Variants in VPS13C observed in about 807,000 individuals in gnomAD.
VPS13C encodes the protein vacuolar protein sorting 13 homolog C.
Under a neutral mutation model 456.8 loss-of-function variants are expected in VPS13C, and 358 were observed. The ratio of observed to expected loss-of-function variants is 0.78; its 90% CI spans 0.72 to 0.86. The LOEUF (loss-of-function observed/expected upper bound fraction) is 0.86. VPS13C is among the 40% of genes least tolerant of loss of function. The pLI, the probability that VPS13C is intolerant of heterozygous loss-of-function variation, is 0.00. For synonymous variants in VPS13C, 1,578 were observed against 1,486.7 expected, an observed-to-expected ratio of 1.06 and a Z score of -1.41; for missense variants, 4,818 against 4,385.4, an observed-to-expected ratio of 1.10 and a Z score of -2.79.
chr15:61,905,992 A>C (rs954960700), intron 66 of VPS13C, among the ~76,000 whole-genome samples: 2 of 152,166 alleles, frequency 1.3e-5, no homozygotes, highest in Admixed American at 6.6e-5. Context: ...CTGGTCCTGT[A>C]GTAAAAAAAT....
In VPS13C at chr15:62,020,507, C is replaced by T. The variant is rs769676637; in HGVS notation, c.656G>A (p.Gly219Asp). 43 of 1,611,382 alleles carry T rather than the reference C, an allele frequency of 2.7e-5. No individual in the cohort carries two copies. Among genetic ancestry groups the T allele is most frequent in the Non-Finnish European group, 3.4e-5 (40 of 1,178,512 alleles). The change falls in exon 9 of 85, where the codon GGT (glycine) becomes GAT (aspartate). Residue 219 changes from glycine to aspartate, a missense_variant. Physicochemically the swap from Gly to Asp is moderately conservative, Grantham distance 94 (BLOSUM62 -1). Around this residue, in one of 3 missense-constraint regions of VPS13C, gnomAD observed 4,552 missense variants for 4,130.6 expected, o/e 1.10. Transcript: ENST00000644861. ...VTDPKRPLSFGVTLGELSLLT... is the reference protein window; with the variant it reads ...VTDPKRPLSFDVTLGELSLLT... ...TAGACTAAGCTCTCCCAGTGTGACA[C>T]CAAATGAAAGAGGCCGCTTTGGATC...
intron 66 of VPS13C, among the ~76,000 whole-genome samples, chr15:61,903,587 G>A (rs573621913): frequency 3.3e-5 from 5 of 152,140 alleles, no homozygotes; most frequent in South Asian, 2.1e-4. Flanking sequence ...TACCCAAAGC[G>A]ATCTACAAGA....
intron 6 of VPS13C, among the ~76,000 whole-genome samples, chr15:62,026,845 T>C (rs1002968452): frequency 2.0e-5 from 3 of 152,102 alleles, no homozygotes; most frequent in Non-Finnish European, 4.4e-5. Context: ...AATTTTTTTG[T>C]TTCATTTTGC....
rs756097529 is a variant in VPS13C at position 61,881,603 on chromosome 15, T to C, written c.9736A>G (p.Ile3246Val). 3.1e-6 allele frequency: 5 copies of C among 1,612,536 alleles called. No homozygotes were observed. The Admixed American group carries it at 8.4e-5, about 27-fold the overall frequency. The change falls in exon 71 of 85, where the codon ATC becomes GTC. Residue 3246 changes from isoleucine to valine, a missense_variant. Physicochemically the swap from Ile to Val is conservative, Grantham distance 29. Coordinates refer to ENST00000644861, the MANE Select transcript of VPS13C (RefSeq NM_020821.3). ...TTACTGTACTCATTAAATCTTGTGATGACACTCACATCAATGAAAGGCTTG... is the reference window on the plus strand; with the variant it reads ...TTACTGTACTCATTAAATCTTGTGACGACACTCACATCAATGAAAGGCTTG... ...EPKPFIDVSV[I>V]TRFNEYSKVL...
chr15:62,002,510 G>A (rs937742837), intron 15 of VPS13C, among the ~76,000 whole-genome samples: 6 of 152,276 alleles, frequency 3.9e-5, no homozygotes, highest in African/African-American at 1.4e-4. Context: ...CTGTGCAGAA[G>A]CGCTTTAGTT....
intron 27 of VPS13C, among the ~76,000 whole-genome samples, chr15:61,972,375 C>A (rs2045579625): frequency 6.6e-6 from 1 of 152,114 alleles, no homozygotes; most frequent in Non-Finnish European, 1.5e-5. Context: ...CTAAGCTCTT[C>A]CAGAATAAAT....
chr15:62,022,390 T>C (rs2047494835), intron 8 of VPS13C, among the ~76,000 whole-genome samples: 1 of 151,894 alleles, frequency 6.6e-6, no homozygotes, highest in South Asian at 2.1e-4. Flanking sequence ...CCCACCAACA[T>C]TGTACCCAGG....
chr15:61,987,822 GC>G (rs1471814189), intron 18 of VPS13C, among the ~76,000 whole-genome samples: 3 of 152,146 alleles, frequency 2.0e-5, no homozygotes, highest in Non-Finnish European at 4.4e-5. Context: ...AGAAGTGTTT[GC>G]CAGTTTTTAG....
chr15:61,994,349 C>T (rs1025840252), intron 16 of VPS13C, among the ~76,000 whole-genome samples: 1 of 152,144 alleles, frequency 6.6e-6, no homozygotes, highest in Admixed American at 6.5e-5. Context: ...TGTTATCCTC[C>T]GGTGATTCAT....
intron 15 of VPS13C, among the ~76,000 whole-genome samples, chr15:62,001,654 T>C (rs1439166317): frequency 6.6e-6 from 1 of 152,184 alleles, no homozygotes; most frequent in Non-Finnish European, 1.5e-5. Context: ...TATCTCCCAA[T>C]GCTATCCCTC....
At chr15:62,001,215 T>C (rs2046601172) in intron 15 of VPS13C, among the ~76,000 whole-genome samples, 1 of 152,208 alleles carries the variant, frequency 6.6e-6, no homozygotes, top group African/African-American at 2.4e-5. Context: ...CCATTTTATA[T>C]ACGAGAACAC....
intron 66 of VPS13C, among the ~76,000 whole-genome samples, chr15:61,901,922 C>A (rs937986165): frequency 6.6e-6 from 1 of 152,048 alleles, no homozygotes; most frequent in Non-Finnish European, 1.5e-5. Context: ...CCATGAAATA[C>A]TATGCAGCCA....
chr15:61,907,073 C>A, intron 66 of VPS13C, 191 bp downstream of exon 66: 1 of 629,158 alleles, frequency 1.6e-6, no homozygotes, highest in Non-Finnish European at 2.6e-6. Context: ...AAATAAATTA[C>A]TTTGATAGAG....
intron 66 of VPS13C, among the ~76,000 whole-genome samples, chr15:61,897,586 G>C (rs1378820455): frequency 6.6e-6 from 1 of 152,152 alleles, no homozygotes; most frequent in Admixed American, 6.5e-5. Context: ...AAGCCTCCAA[G>C]AAATATGGGA....
intron 3 of VPS13C, among the ~76,000 whole-genome samples, chr15:62,037,175 TAATATA>T (rs1188239968): frequency 8.1e-4 from 101 of 124,130 alleles, no homozygotes; most frequent in African/African-American, 2.9e-3. Flanking sequence ...TTATATTGCA[TAATATA>T]AATATAAATA....
chr15:61,988,432 T>C (rs2046126016), intron 18 of VPS13C, among the ~76,000 whole-genome samples: 1 of 152,168 alleles, frequency 6.6e-6, no homozygotes, highest in Non-Finnish European at 1.5e-5. Flanking sequence ...TATAAAACAT[T>C]ATTAGAGGAA....
chr15:61,916,058 A>G (rs535939889), intron 60 of VPS13C, 36 bp from the exon 61 acceptor site: 10 of 1,519,036 alleles, frequency 6.6e-6, no homozygotes, highest in African/African-American at 1.4e-5. Context: ...GTAACTTTTT[A>G]AAAACTCTGA....
chr15:61,878,903 C>T (rs563671735), intron 73 of VPS13C, among the ~76,000 whole-genome samples, 157 bp from the exon 74 acceptor site: 1 of 152,208 alleles, frequency 6.6e-6, no homozygotes. Flanking sequence ...GAACAACCCA[C>T]TTACATTTGA....
At chr15:61,922,111 T>G in intron 54 of VPS13C, 78 bp from the exon 55 acceptor site, 1 of 1,446,614 alleles carries the variant, frequency 6.9e-7, no homozygotes, top group Non-Finnish European at 9.6e-7. Context: ...GGGAAATTAT[T>G]AAGTAATCAA....
Sources: gnomAD v4.1 joint callset for allele counts (sites outside exome capture counted in the v4.1 genomes callset) on GRCh38, gnomAD v4.1.1 for gene constraint, gnomAD v4.1.1 regional missense constraint, MANE v1.5 for transcripts, NCBI Gene and HGNC (gene_info 2026-07-23, HGNC 2026-07-21) for gene names.